XKR5: variants seen among roughly 807,000 people sequenced by gnomAD.
The protein encoded by XKR5 is XK related 5.
XKR5 carries 46 observed loss-of-function variants against 40.8 expected under a neutral mutation model. That is an observed-to-expected ratio of 1.13 (90% CI 0.89 to 1.44). The LOEUF is 1.44. Ranked by LOEUF, XKR5 falls within the 40% of genes most tolerant of loss-of-function variation. The probability of loss-of-function intolerance (pLI) is 0.00; values close to 1 mark genes in which losing one functional copy is unlikely to be tolerated. For missense variants in XKR5, 1,169 were observed against 844.7 expected (o/e 1.38, Z -4.76); for synonymous variants, 466 against 356.1 (o/e 1.31, Z -3.48).
In XKR5 at chr8:6,811,742, G is replaced by A. The variant is rs377177722; in HGVS notation, c.1517C>T (p.Thr506Met). 17 of 1,537,566 alleles carry A rather than the reference G, an allele frequency of 1.1e-5. No homozygotes were observed. The East Asian group carries it at 1.5e-4, about 13-fold the overall frequency. The change falls in exon 7 of 7, where the codon ACG becomes ATG. Residue 506 changes from threonine to methionine, a missense_variant. Physicochemically the swap from Thr to Met is moderately conservative, Grantham distance 81 (BLOSUM62 -1). Transcript: ENST00000618742. ...DEAPTQNPAATQGEGTPKEGA... is the reference protein window; with the variant it reads ...DEAPTQNPAAMQGEGTPKEGA... ...TTCCTTTGGGGTGCCCTCCCCCTGC[G>A]TGGCTGCTGGGTTCTGGGTAGGTGC...
intron 2 of XKR5, among the ~76,000 whole-genome samples, chr8:6,827,133 G>A (rs1251858983): frequency 6.6e-6 from 1 of 152,080 alleles, no homozygotes; most frequent in African/African-American, 2.4e-5. Flanking sequence ...CACACCAGCG[G>A]GCTCTCAGGC....
chr8:6,825,310 C>T lies in XKR5; in HGVS notation c.282G>A (p.Leu94=), dbSNP rs757433288. ...GCAGCCAGCCTCGGTGGGGAGCCTCCAGTTCCTTCTGCAGACTGGTCAGTG... is the reference window on the plus strand; with the variant it reads ...GCAGCCAGCCTCGGTGGGGAGCCTCTAGTTCCTTCTGCAGACTGGTCAGTG... ...DAALTSLQKE[L]EAPHRGWLQL... is the part of the protein sequence containing the mutation. The change falls in exon 3 of 7, where the codon CTG becomes CTA. Residue 94 remains leucine (L), a synonymous_variant. Coordinates refer to ENST00000618742, the MANE Select transcript of XKR5 (RefSeq NM_207411.5). 2 of 1,604,096 alleles carry T rather than the reference C, an allele frequency of 1.2e-6. No homozygotes were observed. The highest frequency in any genetic ancestry group is 1.3e-5 in the African/African-American group (1 of 74,264).
chr8:6,823,842 G>T, intron 3 of XKR5, 112 bp from the exon 4 acceptor site: 2 of 938,338 alleles, frequency 2.1e-6, no homozygotes, highest in African/African-American at 1.6e-5. Flanking sequence ...TCTTGTTAAA[G>T]CCTGGCTGCA....
rs761157520 is a variant in XKR5 at position 6,811,480 on chromosome 8, G to A, written c.1779C>T (p.Asp593=). The A allele has an allele frequency of 1.2e-5, 18 of 1,528,788 alleles. No individual in the cohort carries two copies. Among genetic ancestry groups the A allele is most frequent in the African/African-American group, 4.1e-5 (3 of 72,860 alleles). The allele number at this position is 1,528,788 out of a possible 1,614,324, so 94.7% of individuals were successfully genotyped here. A position where few individuals can be genotyped will look rare whatever the true frequency, so the allele number is the denominator to read the frequency against. Reference sequence around the variant, plus strand: ...GGATGGGGCTAATGTCGGCCATGGTGTCGGGGAAGGGCGCCAAGCCCACTG... The same window carrying A: ...GGATGGGGCTAATGTCGGCCATGGTATCGGGGAAGGGCGCCAAGCCCACTG... ...PHPVGLAPFP[D]TMADISPILG... Residue 593 remains aspartate, a synonymous_variant, in exon 7 of 7, where the codon GAC becomes GAT. Transcript: ENST00000618742.
In XKR5 at chr8:6,832,895, A is replaced by G. The variant is rs1252147301; in HGVS notation, c.64T>C (p.Tyr22His). 1.9e-6 allele frequency: 3 copies of G among 1,584,108 alleles called. No individual in the cohort carries two copies. Among genetic ancestry groups the G allele is most frequent in the Non-Finnish European group, 2.6e-6 (3 of 1,167,026 alleles). ...GTGGTGAAGTAGTAAGCCACGGTGT[A>G]AAGGCCTGGGTGAGAAGGGGAAAGG... ...LQAAEQSARLYTVAYYFTTGR... is the reference protein window; with the variant it reads ...LQAAEQSARLHTVAYYFTTGR... The change falls in exon 2 of 7, where the codon TAC (tyrosine) becomes CAC (histidine). Residue 22 changes from tyrosine to histidine, a missense_variant. By Grantham distance (83) the Tyr-to-His change is moderately conservative (BLOSUM62 2). Transcript: ENST00000618742.
intron 4 of XKR5, 94 bp from the exon 5 acceptor site, chr8:6,822,132 C>T (rs1804269768): frequency 8.0e-7 from 1 of 1,250,796 alleles, no homozygotes; most frequent in Non-Finnish European, 1.1e-6. Context: ...GGCTCTCCGA[C>T]CACATTTGAC....
intron 5 of XKR5, among the ~76,000 whole-genome samples, chr8:6,820,147 C>A (rs1248968731): frequency 6.6e-6 from 1 of 152,214 alleles, no homozygotes; most frequent in Non-Finnish European, 1.5e-5. Context: ...CTTAGCTGGT[C>A]GGGCAGCAAG....
intron 5 of XKR5, among the ~76,000 whole-genome samples, chr8:6,816,751 T>C (rs1803976873): frequency 6.8e-6 from 1 of 147,846 alleles, no homozygotes; most frequent in African/African-American, 2.4e-5. Flanking sequence ...ATATTTAATA[T>C]ATATTTATAT....
At chr8:6,825,139 T>C in intron 3 of XKR5, 26 bp downstream of exon 3, 2 of 1,612,136 alleles carry the variant, frequency 1.2e-6, no homozygotes, top group Non-Finnish European at 1.7e-6. Context: ...TCAGACAGTC[T>C]GTGCTCTGTG....
intron 5 of XKR5, among the ~76,000 whole-genome samples, chr8:6,821,229 A>T (rs1804212570): frequency 6.6e-6 from 1 of 152,218 alleles, no homozygotes; most frequent in Non-Finnish European, 1.5e-5. Flanking sequence ...TTTGCCCATT[A>T]TAATCCAGCT....
chr8:6,823,558 G>C lies in XKR5; in HGVS notation c.600C>G (p.Phe200Leu), dbSNP rs1160836841. ...AAACCCAAAAGTGGTAGGCTTTGTA[G>C]AACAGAACCAGACTCAGCACGCGGG... ...LGTRVLSLVLFYKAYHFWVFV... is the reference protein window; with the variant it reads ...LGTRVLSLVLLYKAYHFWVFV... Residue 200 changes from phenylalanine to leucine, a missense_variant, in exon 4 of 7, where the codon TTC becomes TTG. Phe to Leu is a conservative substitution (Grantham distance 22). Coordinates refer to ENST00000618742, the MANE Select transcript of XKR5 (RefSeq NM_207411.5). 7.5e-6 allele frequency: 12 copies of C among 1,596,060 alleles called. No individual in the cohort carries two copies. Among genetic ancestry groups the C allele is most frequent in the African/African-American group, 1.3e-5 (1 of 74,782 alleles).
chr8:6,834,586 C>G (rs1389484725), intron 1 of XKR5, among the ~76,000 whole-genome samples: 1 of 152,240 alleles, frequency 6.6e-6, no homozygotes, highest in African/African-American at 2.4e-5. Context: ...GTGCGTCCTG[C>G]TCGGCGCGCC....
chr8:6,814,169 C>T (rs934290987), intron 6 of XKR5, among the ~76,000 whole-genome samples: 1 of 152,192 alleles, frequency 6.6e-6, no homozygotes, highest in Admixed American at 6.5e-5. Flanking sequence ...TTCCCATAGG[C>T]CATTTATCCA....
chr8:6,812,460 G>A (rs1803776492), intron 6 of XKR5, 121 bp from the exon 7 acceptor site: 14 of 1,024,986 alleles, frequency 1.4e-5, no homozygotes, highest in Admixed American at 3.0e-5. Flanking sequence ...TCCAAAATAG[G>A]ACTCTTGTTG....
At chr8:6,833,144 C>T (rs1253330788) in intron 1 of XKR5, among the ~76,000 whole-genome samples, 1 of 152,204 alleles carries the variant, frequency 6.6e-6, no homozygotes, top group South Asian at 2.1e-4. Context: ...CCCTACCTGG[C>T]CCATACCCCC....
At position 6,812,342 on chromosome 8, in the gene XKR5, G is replaced by A. The variant is rs1450412371; in HGVS notation, c.920-3C>T. On this transcript the variant is annotated splice_polypyrimidine_tract_variant and splice_region_variant and intron_variant, in intron 6 of 6. Transcript: ENST00000618742. ...ATAAATTACCAGTGAGACACTGCCT[G>A]AAAAAGAACAAAAAGACCACAAGGT... The A allele has an allele frequency of 1.3e-6, 2 of 1,534,144 alleles. No homozygotes were observed. Among genetic ancestry groups the A allele is most frequent in the African/African-American group, 1.4e-5 (1 of 72,112 alleles).
At chr8:6,820,145 G>C (rs554025641) in intron 5 of XKR5, among the ~76,000 whole-genome samples, 2 of 152,220 alleles carry the variant, frequency 1.3e-5, no homozygotes, top group African/African-American at 4.8e-5. Context: ...GCCTTAGCTG[G>C]TCGGGCAGCA....
intron 2 of XKR5, among the ~76,000 whole-genome samples, chr8:6,831,435 T>C (rs916810501): frequency 2.6e-5 from 4 of 152,126 alleles, no homozygotes; most frequent in Non-Finnish European, 4.4e-5. Context: ...TGAGAGTGGG[T>C]GCTTGAAGTC....
At chr8:6,833,909 G>T (rs758646667) in intron 1 of XKR5, among the ~76,000 whole-genome samples, 1 of 152,188 alleles carries the variant, frequency 6.6e-6, no homozygotes, top group Non-Finnish European at 1.5e-5. Flanking sequence ...GTGCATCCTC[G>T]AGAACGATGA....
Sources: gnomAD v4.1 joint callset for allele counts (sites outside exome capture counted in the v4.1 genomes callset) on GRCh38, gnomAD v4.1.1 for gene constraint, MANE v1.5 for transcripts, NCBI Gene and HGNC (gene_info 2026-07-23, HGNC 2026-07-21) for gene names.